Variants in PTPN14 observed in about 807,000 individuals in gnomAD.
The protein encoded by PTPN14 is protein tyrosine phosphatase non-receptor type 14.
Under a neutral mutation model 126.8 loss-of-function variants are expected in PTPN14, and 53 were observed. The observed-to-expected ratio is 0.42, with a 90% CI of 0.34 to 0.53. PTPN14 has a LOEUF of 0.53. PTPN14 is among the 20% of genes least tolerant of loss of function. PTPN14 has a pLI of 0.08. For synonymous variants in PTPN14, 630 were observed against 599.3 expected, an observed-to-expected ratio of 1.05 and a Z score of -0.75; for missense variants, 1,257 against 1,552.9, an observed-to-expected ratio of 0.81 and a Z score of 3.20.
At chr1:214,508,624 T>A (rs1189641892) in intron 1 of PTPN14, among the ~76,000 whole-genome samples, 1 of 152,188 alleles carries the variant, frequency 6.6e-6, no homozygotes, top group Non-Finnish European at 1.5e-5. Context: ...TAACCTCCTC[T>A]CGTGAATTGG....
chr1:214,535,424 C>G (rs781233831), intron 1 of PTPN14, among the ~76,000 whole-genome samples: 35 of 152,134 alleles, frequency 2.3e-4, no homozygotes, highest in Non-Finnish European at 5.0e-4. Context: ...TTCAACAATT[C>G]TTTTGTCAGA....
chr1:214,455,828 G>A (rs1005681542), intron 2 of PTPN14, among the ~76,000 whole-genome samples: 24 of 152,146 alleles, frequency 1.6e-4, no homozygotes, highest in Non-Finnish European at 2.5e-4. Context: ...ATACTACAGC[G>A]TCAAAATGTC....
At chr1:214,495,007 C>CTGAG (rs956947281) in intron 1 of PTPN14, among the ~76,000 whole-genome samples, 1 of 152,180 alleles carries the variant, frequency 6.6e-6, no homozygotes, top group African/African-American at 2.4e-5. Context: ...AAGCAACTGT[C>CTGAG]TGAGAACTGG....
intron 1 of PTPN14, among the ~76,000 whole-genome samples, chr1:214,505,178 C>CA (rs1385363639): frequency 7.2e-6 from 1 of 138,170 alleles, no homozygotes; most frequent in Non-Finnish European, 1.5e-5. Context: ...GAATACCCGC[C>CA]AGGGAAAAAA....
chr1:214,546,892 G>A (rs1193235423), intron 1 of PTPN14, among the ~76,000 whole-genome samples: 2 of 151,986 alleles, frequency 1.3e-5, no homozygotes, highest in Non-Finnish European at 2.9e-5. Context: ...TTTTCCAATT[G>A]CAAGGATCCT....
At chr1:214,455,048 T>C (rs978016883) in intron 2 of PTPN14, among the ~76,000 whole-genome samples, 2 of 152,164 alleles carry the variant, frequency 1.3e-5, no homozygotes, top group Non-Finnish European at 2.9e-5. Context: ...ATTTTCCTAC[T>C]CTGGAGTAGA....
chr1:214,408,790 A>C (rs1235310786), intron 5 of PTPN14, among the ~76,000 whole-genome samples: 1 of 152,164 alleles, frequency 6.6e-6, no homozygotes, highest in African/African-American at 2.4e-5. Context: ...GAATGTCATA[A>C]AGATCTGGAG....
intron 2 of PTPN14, among the ~76,000 whole-genome samples, chr1:214,463,637 G>A (rs1422476315): frequency 6.6e-6 from 1 of 152,174 alleles, no homozygotes; most frequent in African/African-American, 2.4e-5. Context: ...TTGTAAGCAG[G>A]TGGAGAGAGG....
At chr1:214,429,141 T>G (rs1287446807) in intron 3 of PTPN14, among the ~76,000 whole-genome samples, 1 of 152,208 alleles carries the variant, frequency 6.6e-6, no homozygotes. Flanking sequence ...TGACCATGCT[T>G]ATAGACAGGA....
At chr1:214,528,601 G>A (rs1655459017) in intron 1 of PTPN14, 1 of 152,254 alleles carries the variant, frequency 6.6e-6, no homozygotes, top group Admixed American at 6.5e-5. Context: ...GAGTGGTAGG[G>A]TAATTGGTTT....
intron 10 of PTPN14, among the ~76,000 whole-genome samples, chr1:214,391,723 C>G (rs61821383): frequency 0.2 from 29,605 of 147,430 alleles, 3,399 homozygotes; most frequent in Non-Finnish European, 0.25. Flanking sequence ...AAAAAAAACC[C>G]AGGACATGTA....
intron 3 of PTPN14, among the ~76,000 whole-genome samples, chr1:214,444,239 A>C (rs753837655): frequency 5.3e-5 from 8 of 152,250 alleles, no homozygotes; most frequent in Non-Finnish European, 1.0e-4. Context: ...TTAGATCCCA[A>C]TGTCAACTGC....
chr1:214,480,460 T>C (rs1660960495), intron 1 of PTPN14, among the ~76,000 whole-genome samples: 1 of 152,180 alleles, frequency 6.6e-6, no homozygotes, highest in Non-Finnish European at 1.5e-5. Context: ...AAGGAGAATA[T>C]TGATCCCAAA....
At chr1:214,518,183 G>A (rs1380611097) in intron 1 of PTPN14, among the ~76,000 whole-genome samples, 5 of 152,204 alleles carry the variant, frequency 3.3e-5, no homozygotes, top group African/African-American at 7.2e-5. Context: ...TTCTCTTCCC[G>A]AGGATGAAAT....
chr1:214,514,208 AAC>A (rs1302615499), intron 1 of PTPN14, among the ~76,000 whole-genome samples: 9 of 152,220 alleles, frequency 5.9e-5, no homozygotes, highest in Non-Finnish European at 1.0e-4. Context: ...GGGCAAAATT[AAC>A]AGTCTGAGGT....
rs192042694 is a variant in PTPN14, at chr1:214,547,444, T to C, written c.-155+3739A>G. ...TTGTTCATTCCTTCTAACATTCCCT[T>C]CCGCTTTGAGGTTGATACGAAGATC... On this transcript the variant is annotated intron_variant, in intron 1 of 18. Coordinates refer to ENST00000366956, the MANE Select transcript of PTPN14 (RefSeq NM_005401.5). 1.2e-3 allele frequency among the ~76,000 whole-genome samples: 188 copies of C among 152,344 alleles called. 4 individuals are homozygous for C. Among genetic ancestry groups the C allele is most frequent in the Admixed American group, 9.8e-3 (150 of 15,298 alleles).
intron 3 of PTPN14, among the ~76,000 whole-genome samples, chr1:214,426,228 A>T (rs981653997): frequency 2.6e-5 from 4 of 152,158 alleles, no homozygotes; most frequent in African/African-American, 9.6e-5. Flanking sequence ...TAAAATACCA[A>T]ACCAGCAAAC....
intron 1 of PTPN14, among the ~76,000 whole-genome samples, chr1:214,472,010 G>T (rs4655352): frequency 0.83 from 125,718 of 152,150 alleles, 52,041 homozygotes; most frequent in African/African-American, 0.89. Context: ...ACTCTCAGGT[G>T]TGTCTCACCT....
intron 1 of PTPN14, among the ~76,000 whole-genome samples, chr1:214,501,172 C>A (rs899214342): frequency 2.0e-5 from 3 of 152,124 alleles, no homozygotes; most frequent in Non-Finnish European, 2.9e-5. Context: ...AATAATGTTA[C>A]AGTGTGACTG....
Sources: allele counts gnomAD v4.1 joint callset (sites outside exome capture counted in the v4.1 genomes callset), GRCh38; gene constraint gnomAD v4.1.1; transcripts MANE v1.5; gene names NCBI Gene and HGNC (gene_info 2026-07-23, HGNC 2026-07-21).